The following SORCS2 variants were observed in gnomAD, a reference collection of about 807,000 sequenced individuals.
SORCS2 encodes the protein sortilin related VPS10 domain containing receptor 2.
In SORCS2, 100 loss-of-function variants were observed where a neutral mutation model predicts 141.6. The ratio of observed to expected loss-of-function variants is 0.71; its 90% CI spans 0.60 to 0.83. The LOEUF is 0.83. Ranked by LOEUF, SORCS2 falls within the 40% of genes least tolerant of loss-of-function variation. The pLI is 0.00. For synonymous variants in SORCS2, 789 were observed against 676.9 expected, an observed-to-expected ratio of 1.17 and a Z score of -2.57; for missense variants, 1,646 against 1,560.2, an observed-to-expected ratio of 1.05 and a Z score of -0.93.
At chr4:7,697,161 T>G in intron 11 of SORCS2, 37 bp from the exon 12 acceptor site, 2 of 1,526,704 alleles carry the variant, frequency 1.3e-6, no homozygotes, top group Non-Finnish European at 1.8e-6. Flanking sequence ...AGCTGGACGA[T>G]CCTAAGGGTA....
At chr4:7,416,027 G>A (rs1164864335) in intron 2 of SORCS2, among the ~76,000 whole-genome samples, 1 of 152,180 alleles carries the variant, frequency 6.6e-6, no homozygotes, top group African/African-American at 2.4e-5. Flanking sequence ...TGGTGTGGAG[G>A]GACCCTAAGG....
chr4:7,740,108 G>C, intron 26 of SORCS2, 92 bp from the exon 27 acceptor site: 1 of 1,114,512 alleles, frequency 9.0e-7, no homozygotes. Context: ...GTTGGCTCGA[G>C]GCACTGCCTG....
chr4:7,249,227 C>G (rs1481542325), intron 1 of SORCS2, among the ~76,000 whole-genome samples: 1 of 152,164 alleles, frequency 6.6e-6, no homozygotes, highest in African/African-American at 2.4e-5. Context: ...GGTTTCTTCA[C>G]TGACATTTTA....
intron 2 of SORCS2, among the ~76,000 whole-genome samples, chr4:7,471,968 T>G (rs1298088071): frequency 6.6e-6 from 1 of 152,188 alleles, no homozygotes; most frequent in Non-Finnish European, 1.5e-5. Context: ...CTGGCCTCCC[T>G]CTGGAGAAAG....
In SORCS2 at chr4:7,541,489, T is replaced by C. The variant is rs114568296; in HGVS notation, c.648+9860T>C. ...GCAAGACTGGCCATCAGAGGAGGGGTATCCCTAGCCTCCTCAGGAGGGGCG... is the reference window on the plus strand; with the variant it reads ...GCAAGACTGGCCATCAGAGGAGGGGCATCCCTAGCCTCCTCAGGAGGGGCG... On this transcript the variant is annotated intron_variant, in intron 3 of 26. Transcript: ENST00000507866. Among the ~76,000 whole-genome samples the C allele has an allele frequency of 7.8e-3, 1,183 of 152,206 alleles. 13 individuals carry two copies. The highest frequency in any genetic ancestry group is 0.027 in the African/African-American group (1,113 of 41,520).
At position 7,270,344 on chromosome 4, in the gene SORCS2, C is replaced by T. The variant is rs569967002; in HGVS notation, c.480+77218C>T. Among the ~76,000 whole-genome samples, 27 of 152,392 alleles carry T rather than the reference C, an allele frequency of 1.8e-4. No individual in the cohort carries two copies. In the East Asian group the frequency reaches 4.6e-3, roughly 26 times the overall value. On this transcript the variant is annotated intron_variant, in intron 1 of 26. Transcript: ENST00000507866. Reference sequence around the variant, plus strand: ...ATAAACGTCAAGTGGCAGCTCCCCACGGCTGCGTTCACCCTTGCAGGGGGA... The same window carrying T: ...ATAAACGTCAAGTGGCAGCTCCCCATGGCTGCGTTCACCCTTGCAGGGGGA...
chr4:7,395,662 G>GA (rs1724164721), intron 1 of SORCS2, among the ~76,000 whole-genome samples: 1 of 151,314 alleles, frequency 6.6e-6, no homozygotes, highest in African/African-American at 2.4e-5. Flanking sequence ...TGGTCAGGTG[G>GA]GCCCCGTGTG....
chr4:7,247,658 C>G (rs1399771576), intron 1 of SORCS2, among the ~76,000 whole-genome samples: 1 of 152,120 alleles, frequency 6.6e-6, no homozygotes, highest in African/African-American at 2.4e-5. Context: ...TGGTGGATGT[C>G]AAAGCCAAGG....
intron 2 of SORCS2, among the ~76,000 whole-genome samples, chr4:7,438,748 A>G (rs777471380): frequency 7.7e-4 from 117 of 152,064 alleles, no homozygotes; most frequent in Non-Finnish European, 9.9e-4. Context: ...TTAATAGACT[A>G]TAATCCAACA....
intron 3 of SORCS2, among the ~76,000 whole-genome samples, chr4:7,536,024 C>T (rs1403801405): frequency 2.6e-5 from 4 of 152,238 alleles, no homozygotes; most frequent in Admixed American, 6.5e-5. Context: ...TGCGCTTCTG[C>T]CTCAGGAGAA....
chr4:7,417,042 C>A (rs1415887930), intron 2 of SORCS2, among the ~76,000 whole-genome samples: 2 of 152,078 alleles, frequency 1.3e-5, no homozygotes, highest in African/African-American at 4.8e-5. Context: ...ACATTCTGCC[C>A]TGGGGATATG....
intron 10 of SORCS2, among the ~76,000 whole-genome samples, chr4:7,685,940 G>A (rs1676709586): frequency 1.3e-5 from 2 of 152,170 alleles, no homozygotes; most frequent in Non-Finnish European, 2.9e-5. Context: ...GTATAAAAAG[G>A]GAAATAAGGT....
chr4:7,548,967 C>T (rs1194599635), intron 3 of SORCS2, among the ~76,000 whole-genome samples: 1 of 152,174 alleles, frequency 6.6e-6, no homozygotes, highest in African/African-American at 2.4e-5. Flanking sequence ...GCCTGGGGAG[C>T]TGATGCTCTC....
At chr4:7,583,061 G>A (rs1007492253) in intron 3 of SORCS2, among the ~76,000 whole-genome samples, 7 of 152,124 alleles carry the variant, frequency 4.6e-5, no homozygotes, top group Admixed American at 2.6e-4. Context: ...TTTGGCAAAC[G>A]GGCTGAAACC....
chr4:7,624,083 C>T lies in SORCS2; in HGVS notation c.649-14245C>T, dbSNP rs73216650. Among the ~76,000 whole-genome samples, 1,366 of 152,264 alleles carry T rather than the reference C, an allele frequency of 9.0e-3. 10 individuals are homozygous for T. Among genetic ancestry groups the T allele is most frequent in the Middle Eastern group, 0.017 (5 of 294 alleles). On this transcript the variant is annotated intron_variant, in intron 3 of 26. Coordinates refer to ENST00000507866, the MANE Select transcript of SORCS2 (RefSeq NM_020777.3). ...TGAAGAAAGCATTTGGTCCAGTGCC[C>T]GGCATACAGAAGTGCTCAATAAATG... is the stretch of plus-strand genomic sequence containing the variant.
rs73799427 is a variant in SORCS2, at chr4:7,260,389, C to G, written c.480+67263C>G. 4.1e-3 allele frequency among the ~76,000 whole-genome samples: 619 copies of G among 152,332 alleles called. 5 individuals carry two copies. Among genetic ancestry groups the G allele is most frequent in the African/African-American group, 0.014 (600 of 41,572 alleles). ...CCTCCAAGCCTCCTCCCACCTCCCC[C>G]CTCCCAGGAATGTTGAGCAACAAAT... On this transcript the variant is annotated intron_variant, in intron 1 of 26. Coordinates refer to ENST00000507866, the MANE Select transcript of SORCS2 (RefSeq NM_020777.3).
rs142905494 is a variant in SORCS2, at chr4:7,447,246, G to A, written c.548+50891G>A. ...GGGTTGCTGAGGGGAAGGGTGCCTA[G>A]GCCCTGGTGTCTGAGAGTGGATCAT... On this transcript the variant is annotated intron_variant, in intron 2 of 26. Coordinates refer to ENST00000507866, the MANE Select transcript of SORCS2 (RefSeq NM_020777.3). Among the ~76,000 whole-genome samples the A allele has an allele frequency of 1.0e-3, 154 of 152,270 alleles. 1 individual carries two copies. Among genetic ancestry groups the A allele is most frequent in the African/African-American group, 3.5e-3 (145 of 41,536 alleles).
chr4:7,554,468 A>G (rs1257324698), intron 3 of SORCS2, among the ~76,000 whole-genome samples: 1 of 152,166 alleles, frequency 6.6e-6, no homozygotes, highest in Non-Finnish European at 1.5e-5. Flanking sequence ...GCCCTCCCCC[A>G]GAGGCCCTAC....
At position 7,648,896 on chromosome 4, in the gene SORCS2, T is replaced by C. The variant is rs2080970239; in HGVS notation, c.814-5238T>C. 6.6e-6 allele frequency among the ~76,000 whole-genome samples: 1 copy of C among 152,040 alleles called. No homozygotes were observed. The highest frequency in any genetic ancestry group is 2.1e-4 in the South Asian group (1 of 4,824). ...TGAGTGACACAGGATGTCCTGGATC[T>C]GAGGAGCTAGAGGCCAGAGAACCAG... On this transcript the variant is annotated intron_variant, in intron 4 of 26. Coordinates refer to ENST00000507866, the MANE Select transcript of SORCS2 (RefSeq NM_020777.3). This position sits in a 1 kb window ranked among gnomAD's most constrained non-coding sequence, Gnocchi z 4.2.
Sources: allele counts gnomAD v4.1 joint callset (sites outside exome capture counted in the v4.1 genomes callset), GRCh38; gene constraint gnomAD v4.1.1; non-coding constraint Gnocchi (gnomAD v3.1); transcripts MANE v1.5; gene names NCBI Gene and HGNC (gene_info 2026-07-23, HGNC 2026-07-21).